Variants in LMAN2 observed in about 807,000 individuals in gnomAD.
The protein encoded by LMAN2 is lectin, mannose binding 2, also known as vesicular integral-membrane protein VIP36.
LMAN2 carries 22 observed loss-of-function variants against 39.3 expected under a neutral mutation model. The ratio of observed to expected loss-of-function variants is 0.56; its 90% CI spans 0.40 to 0.80. The LOEUF (loss-of-function observed/expected upper bound fraction) is 0.80. Among genes scored for constraint, LMAN2 ranks in the 30% least tolerant of loss-of-function variants. The pLI, the probability that LMAN2 is intolerant of heterozygous loss-of-function variation, is 0.00. For synonymous variants in LMAN2, 207 were observed against 207.8 expected, an observed-to-expected ratio of 1.00 and a Z score of 0.03; for missense variants, 494 against 505.4, an observed-to-expected ratio of 0.98 and a Z score of 0.22.
At chr5:177,350,742 T>C (rs1196944927) in intron 2 of LMAN2, among the ~76,000 whole-genome samples, 1 of 152,186 alleles carries the variant, frequency 6.6e-6, no homozygotes, top group Non-Finnish European at 1.5e-5. Flanking sequence ...TTAAATGCAA[T>C]AAGGCATGGC....
chr5:177,346,254 G>A (rs920235959), intron 2 of LMAN2: 5 of 229,534 alleles, frequency 2.2e-5, no homozygotes, highest in Non-Finnish European at 4.5e-5. Context: ...TCAAGGCTTC[G>A]AGAATCACCA....
At chr5:177,349,159 C>T (rs1226550264) in intron 2 of LMAN2, among the ~76,000 whole-genome samples, 1 of 152,120 alleles carries the variant, frequency 6.6e-6, no homozygotes, top group African/African-American at 2.4e-5. Flanking sequence ...ATGCTGCAGC[C>T]ACCAGGCACT....
chr5:177,331,928 C>T lies in LMAN2; in HGVS notation c.*158G>A, dbSNP rs1361273358. 16 of 882,172 alleles carry T rather than the reference C, an allele frequency of 1.8e-5. No homozygotes were observed. Among genetic ancestry groups the T allele is most frequent in the Middle Eastern group, 3.2e-4 (1 of 3,080 alleles). The allele number at this position is 882,172 out of a possible 1,614,324, so 54.6% of individuals were successfully genotyped here. A position where few individuals can be genotyped will look rare whatever the true frequency, so the allele number is the denominator to read the frequency against. Reference sequence around the variant, plus strand: ...CCTAAGCCTCGGCTCTGCCACCTGTCCCTGCTGGGCAAGAAGCAAAATGTA... The same window carrying T: ...CCTAAGCCTCGGCTCTGCCACCTGTTCCTGCTGGGCAAGAAGCAAAATGTA... On this transcript the variant is annotated 3_prime_UTR_variant, in exon 8 of 8. Transcript: ENST00000303127.
Position 177,351,435 on chromosome 5 carries a change from C to T in LMAN2, c.196+17G>A. Reference sequence around the variant, plus strand: ...CTCGCCCTCACTCTTCACTCATTCCCGCCCCAAGGGCTTCACCTTGGTAGG... The same window carrying T: ...CTCGCCCTCACTCTTCACTCATTCCTGCCCCAAGGGCTTCACCTTGGTAGG... On this transcript the variant is annotated intron_variant, in intron 1 of 7. Transcript: ENST00000303127. The T allele has an allele frequency of 6.2e-7, 1 of 1,609,826 alleles. No homozygotes were observed. The highest frequency in any genetic ancestry group is 8.5e-7 in the Non-Finnish European group (1 of 1,177,366).
intron 6 of LMAN2, among the ~76,000 whole-genome samples, chr5:177,336,584 T>C (rs951536470): frequency 3.9e-5 from 6 of 152,052 alleles, no homozygotes; most frequent in Admixed American, 2.0e-4. Flanking sequence ...ACAGGGACTG[T>C]TGATGGACCA....
At chr5:177,344,992 G>A (rs1484247050) in intron 2 of LMAN2, among the ~76,000 whole-genome samples, 4 of 152,046 alleles carry the variant, frequency 2.6e-5, no homozygotes, top group Non-Finnish European at 5.9e-5. Context: ...TGCATGTGCA[G>A]ATGTGTACGT....
chr5:177,335,928 G>A (rs1213536563), intron 6 of LMAN2, among the ~76,000 whole-genome samples: 2 of 152,210 alleles, frequency 1.3e-5, no homozygotes, highest in Non-Finnish European at 2.9e-5. Flanking sequence ...GAGAACCACA[G>A]CCAAGGGCCA....
rs78144254 is a variant in LMAN2 at position 177,334,094 on chromosome 5, C to T, written c.910+190G>A. Among the ~76,000 whole-genome samples, 485 of 152,380 alleles carry T rather than the reference C, an allele frequency of 3.2e-3. 2 individuals are homozygous for T. The highest frequency in any genetic ancestry group is 0.011 in the African/African-American group (464 of 41,588). On this transcript the variant is annotated intron_variant, in intron 7 of 7. Transcript: ENST00000303127. ...ACTCAAAAACTTGCCAGAGCTGACA[C>T]GATCCAAGCCCAATACTCTAGGAGC...
intron 6 of LMAN2, among the ~76,000 whole-genome samples, chr5:177,335,422 T>C (rs1035577567): frequency 3.9e-5 from 6 of 152,188 alleles, no homozygotes; most frequent in Non-Finnish European, 8.8e-5. Context: ...TGCCTGGCAC[T>C]GATGACCCCT....
Position 177,351,248 on chromosome 5 carries a change from G to C in LMAN2, c.240C>G (p.Ser80Arg), listed in dbSNP as rs373863741. The C allele has an allele frequency of 6.2e-7, 1 of 1,614,014 alleles. No homozygotes were observed. Among genetic ancestry groups the C allele is most frequent in the Non-Finnish European group, 8.5e-7 (1 of 1,180,036 alleles). Residue 80 changes from serine (S) to arginine (R), a missense_variant, in exon 2 of 8, where the codon AGC (serine) becomes AGG (arginine). Ser to Arg is a moderately radical substitution (Grantham distance 110). Transcript: ENST00000303127. ...SSMPLWDFQGSTMLTSQYVRL... is the reference protein window; with the variant it reads ...SSMPLWDFQGRTMLTSQYVRL... ...GTACGTACTGGCTCGTGAGCATAGT[G>C]CTGCCCTGGAAGTCCCAGAGGGGCA...
chr5:177,332,598 C>T lies in LMAN2; in HGVS notation c.911-352G>A, dbSNP rs972810575. Reference sequence around the variant, plus strand: ...CAGGAGTCTACATATCCAAGCCCCACCCCCACGCTGTGGTCTGAGGGCCCT... The same window carrying T: ...CAGGAGTCTACATATCCAAGCCCCATCCCCACGCTGTGGTCTGAGGGCCCT... On this transcript the variant is annotated intron_variant, in intron 7 of 7. Coordinates refer to ENST00000303127, the MANE Select transcript of LMAN2 (RefSeq NM_006816.3). This position sits in a 1 kb window ranked among gnomAD's most constrained non-coding sequence, Gnocchi z 6.3. Among the ~76,000 whole-genome samples the T allele has an allele frequency of 6.6e-6, 1 of 152,146 alleles. No homozygotes were observed. The highest frequency in any genetic ancestry group is 6.5e-5 in the Admixed American group (1 of 15,284).
chr5:177,345,339 TAAAAAAA>T (rs10639580), intron 2 of LMAN2, among the ~76,000 whole-genome samples: 2 of 52,416 alleles, frequency 3.8e-5, no homozygotes, highest in African/African-American at 6.6e-5. Context: ...AGACCCTGTC[TAAAAAAA>T]AAAAAAAAAA....
intron 2 of LMAN2, among the ~76,000 whole-genome samples, chr5:177,347,088 A>AGG (rs1338703600): frequency 2.6e-5 from 4 of 152,218 alleles, no homozygotes; most frequent in Admixed American, 6.5e-5. Context: ...TTAAAAGATA[A>AGG]CTAAAATAGC....
rs771396624 is a variant in LMAN2, at chr5:177,337,438, C to T, written c.600G>A (p.Ala200=). 209 of 1,613,618 alleles carry T rather than the reference C, an allele frequency of 1.3e-4. No homozygotes were observed. The highest frequency in any genetic ancestry group is 1.7e-4 in the Non-Finnish European group (200 of 1,180,028). The change falls in exon 5 of 8, where the codon GCG becomes GCA. Residue 200 remains alanine (A), a synonymous_variant. Coordinates refer to ENST00000303127, the MANE Select transcript of LMAN2 (RefSeq NM_006816.3). This position sits in a 1 kb window ranked among gnomAD's most constrained non-coding sequence, Gnocchi z 8.2. ...HSKDGRWTEL[A]GCTADFRNRD... is the part of the protein sequence containing the mutation. ...GGTTGCGGAAGTCAGCCGTGCAGCC[C>T]GCCAGCTCGGTCCAGCGCCCATCCT...
At chr5:177,341,511 C>T (rs1259034477) in intron 2 of LMAN2, among the ~76,000 whole-genome samples, 11 of 152,164 alleles carry the variant, frequency 7.2e-5, no homozygotes, top group Admixed American at 5.9e-4. Flanking sequence ...TTTGGAGATA[C>T]AGGAAGGTAA....
rs926582125 is a variant in LMAN2 at position 177,332,371 on chromosome 5, C to A, written c.911-125G>T. ...TGGGCAGGCCGGTCGTACTCACCCCCCTCACCGGGGAGGGGCAGAGGTCAG... is the reference window on the plus strand; with the variant it reads ...TGGGCAGGCCGGTCGTACTCACCCCACTCACCGGGGAGGGGCAGAGGTCAG... On this transcript the variant is annotated intron_variant, in intron 7 of 7. Transcript: ENST00000303127. This position sits in a 1 kb window ranked among gnomAD's most constrained non-coding sequence, Gnocchi z 6.3. The A allele has an allele frequency of 2.3e-6, 2 of 855,854 alleles. No individual in the cohort carries two copies. The highest frequency in any genetic ancestry group is 3.6e-4 in the Middle Eastern group (1 of 2,802). The allele number at this position is 855,854 out of a possible 1,614,324, so 53.0% of individuals were successfully genotyped here.
intron 2 of LMAN2, among the ~76,000 whole-genome samples, chr5:177,350,629 A>G (rs1251545067): frequency 6.6e-6 from 1 of 152,248 alleles, no homozygotes; most frequent in Non-Finnish European, 1.5e-5. Context: ...CTGGGCTTAG[A>G]GATCAGACAA....
In LMAN2 at chr5:177,337,877, C is replaced by T; in HGVS notation, c.434-92G>A. 1 of 1,056,070 alleles carries T rather than the reference C, an allele frequency of 9.5e-7. No homozygotes were observed. The highest frequency in any genetic ancestry group is 1.4e-6 in the Non-Finnish European group (1 of 696,690). 65.4% of individuals were successfully genotyped at this position (1,056,070 alleles called of 1,614,324 possible). ...CAAGCAATGCCAACATGGGTGGGGGCAAGAGAGCCCAACCCACTGGCCATT... is the reference window on the plus strand; with the variant it reads ...CAAGCAATGCCAACATGGGTGGGGGTAAGAGAGCCCAACCCACTGGCCATT... On this transcript the variant is annotated intron_variant, in intron 3 of 7. Coordinates refer to ENST00000303127, the MANE Select transcript of LMAN2 (RefSeq NM_006816.3). This position sits in a 1 kb window ranked among gnomAD's most constrained non-coding sequence, Gnocchi z 8.2.
intron 2 of LMAN2, among the ~76,000 whole-genome samples, chr5:177,338,988 T>C (rs11949401): frequency 0.4 from 61,078 of 152,154 alleles, 14,257 homozygotes; most frequent in African/African-American, 0.65. Flanking sequence ...TCTGCAGACG[T>C]TACAACTCCT....
Sources: allele counts gnomAD v4.1 joint callset (sites outside exome capture counted in the v4.1 genomes callset), GRCh38; gene constraint gnomAD v4.1.1; non-coding constraint Gnocchi (gnomAD v3.1); transcripts MANE v1.5; gene names NCBI Gene and HGNC (gene_info 2026-07-23, HGNC 2026-07-21).